The following ADAMTSL1 variants were observed in gnomAD, a reference collection of about 807,000 sequenced individuals.
ADAMTSL1 encodes the protein ADAMTS like 1.
In ADAMTSL1, 126 loss-of-function variants were observed where a neutral mutation model predicts 201.8. The observed-to-expected ratio is 0.62, with a 90% CI of 0.54 to 0.72. The LOEUF is 0.72. Ranked by LOEUF, ADAMTSL1 falls within the 30% of genes least tolerant of loss-of-function variation. The probability of loss-of-function intolerance (pLI) is 0.00; values close to 1 mark genes in which losing one functional copy is unlikely to be tolerated. For synonymous variants in ADAMTSL1, 1,121 were observed against 903.4 expected (o/e 1.24, Z -4.32); for missense variants, 2,679 against 2,277.8 (o/e 1.18, Z -3.59).
intron 1 of ADAMTSL1, among the ~76,000 whole-genome samples, chr9:18,149,165 G>C (rs1465994485): frequency 6.6e-6 from 1 of 152,120 alleles, no homozygotes; most frequent in East Asian, 1.9e-4. Flanking sequence ...AGATGAACCA[G>C]ACCCTTCTTA....
At chr9:18,006,612 A>G (rs941184562) in intron 1 of ADAMTSL1, among the ~76,000 whole-genome samples, 1 of 152,010 alleles carries the variant, frequency 6.6e-6, no homozygotes, top group Non-Finnish European at 1.5e-5. Flanking sequence ...GACCTTGGAT[A>G]TATCCCATGG....
At chr9:18,172,962 A>G (rs1409765643) in intron 2 of ADAMTSL1, among the ~76,000 whole-genome samples, 6 of 152,110 alleles carry the variant, frequency 3.9e-5, no homozygotes, top group Admixed American at 3.3e-4. Flanking sequence ...CAACTTTGGG[A>G]TGTTCGCTAA....
At chr9:17,981,093 A>G (rs574494011) in intron 1 of ADAMTSL1, among the ~76,000 whole-genome samples, 3 of 152,204 alleles carry the variant, frequency 2.0e-5, no homozygotes, top group Non-Finnish European at 2.9e-5. Flanking sequence ...TCCTACTTCT[A>G]ACATTGGGGC....
At chr9:18,489,166 A>G (rs1417830710) in intron 1 of ADAMTSL1, among the ~76,000 whole-genome samples, 1 of 152,182 alleles carries the variant, frequency 6.6e-6, no homozygotes, top group Non-Finnish European at 1.5e-5. Flanking sequence ...ACAATCACTG[A>G]TCTAATTGAA....
At chr9:18,257,780 C>T (rs1831745916) in intron 2 of ADAMTSL1, among the ~76,000 whole-genome samples, 1 of 152,162 alleles carries the variant, frequency 6.6e-6, no homozygotes, top group South Asian at 2.1e-4. Context: ...ATAAATGAGG[C>T]CTAGACATAA....
chr9:18,843,324 G>C (rs1825856378), intron 23 of ADAMTSL1, among the ~76,000 whole-genome samples: 1 of 150,822 alleles, frequency 6.6e-6, no homozygotes, highest in African/African-American at 2.5e-5. Context: ...AAAATTCTGG[G>C]TTGAAAATTC....
intron 24 of ADAMTSL1, among the ~76,000 whole-genome samples, chr9:18,889,264 T>C (rs190287013): frequency 6.6e-5 from 10 of 152,360 alleles, no homozygotes; most frequent in Admixed American, 6.5e-4. Flanking sequence ...GTGGCATTAA[T>C]TGTGCACTCT....
At chr9:18,843,134 G>A (rs1423180399) in intron 23 of ADAMTSL1, among the ~76,000 whole-genome samples, 1 of 150,768 alleles carries the variant, frequency 6.6e-6, no homozygotes, top group Non-Finnish European at 1.5e-5. Context: ...TAGCCTCAAT[G>A]GTCTTTACAA....
chr9:18,369,943 G>C (rs995232938), intron 2 of ADAMTSL1, among the ~76,000 whole-genome samples: 19 of 152,132 alleles, frequency 1.2e-4, no homozygotes, highest in Non-Finnish European at 2.2e-4. Flanking sequence ...ACTTATAAGT[G>C]GGAGCCAAAC....
chr9:18,628,512 TC>T (rs1488743436), intron 5 of ADAMTSL1, among the ~76,000 whole-genome samples: 2 of 152,218 alleles, frequency 1.3e-5, no homozygotes, highest in African/African-American at 4.8e-5. Context: ...TAGTGTGATT[TC>T]TCCAACTTTG....
intron 2 of ADAMTSL1, among the ~76,000 whole-genome samples, chr9:18,396,734 G>T (rs997576083): frequency 2.0e-5 from 3 of 151,820 alleles, no homozygotes; most frequent in African/African-American, 4.8e-5. Flanking sequence ...AACTCTCAAG[G>T]TTTAACCACT....
At chr9:18,200,584 G>T in intron 2 of ADAMTSL1, among the ~76,000 whole-genome samples, 1 of 151,810 alleles carries the variant, frequency 6.6e-6, no homozygotes, top group Non-Finnish European at 1.5e-5. Flanking sequence ...TGCATCCTTT[G>T]ACTTTGAATG....
intron 23 of ADAMTSL1, among the ~76,000 whole-genome samples, chr9:18,876,403 T>G (rs1828161401): frequency 6.6e-6 from 1 of 151,902 alleles, no homozygotes; most frequent in African/African-American, 2.4e-5. Flanking sequence ...GAGGATTTGT[T>G]TCAAGATTTA....
intron 2 of ADAMTSL1, among the ~76,000 whole-genome samples, chr9:18,273,757 G>A (rs923032299): frequency 2.6e-5 from 4 of 152,074 alleles, no homozygotes. Context: ...CCAGTTCCTT[G>A]GTTGTAACCT....
chr9:18,504,869 T>C lies in ADAMTSL1; in HGVS notation c.104T>C (p.Leu35Pro), dbSNP rs776393550. 1.1e-5 allele frequency: 17 copies of C among 1,613,842 alleles called. No homozygotes were observed. The highest frequency in any genetic ancestry group is 1.4e-5 in the Non-Finnish European group (16 of 1,179,994). Residue 35 changes from leucine (L) to proline (P), a missense_variant, in exon 2 of 29, where the codon CTA (leucine) becomes CCA (proline). By Grantham distance (98) the Leu-to-Pro change is moderately conservative. Transcript: ENST00000380548. Reference sequence around the variant, plus strand: ...CGCTCCGAGGAGGACCGGGACGGCCTATGGGATGCCTGGGGCCCATGGAGT... The same window carrying C: ...CGCTCCGAGGAGGACCGGGACGGCCCATGGGATGCCTGGGGCCCATGGAGT... Reference protein sequence around the residue: ...TARSEEDRDGLWDAWGPWSEC... With the variant: ...TARSEEDRDGPWDAWGPWSEC...
At chr9:18,710,792 T>C (rs921702093) in intron 14 of ADAMTSL1, among the ~76,000 whole-genome samples, 1 of 151,914 alleles carries the variant, frequency 6.6e-6, no homozygotes, top group Non-Finnish European at 1.5e-5. Context: ...GGCTCCTTGT[T>C]GGATGGACAC....
At chr9:18,136,472 G>C (rs1425543908) in intron 1 of ADAMTSL1, among the ~76,000 whole-genome samples, 1 of 152,106 alleles carries the variant, frequency 6.6e-6, no homozygotes, top group Non-Finnish European at 1.5e-5. Flanking sequence ...GTTGTAGGAT[G>C]TTAGGAGAGA....
At chr9:18,452,805 C>A (rs1035577730) in intron 2 of ADAMTSL1, among the ~76,000 whole-genome samples, 6 of 152,232 alleles carry the variant, frequency 3.9e-5, no homozygotes, top group African/African-American at 1.4e-4. Flanking sequence ...AGAGGTTGGG[C>A]CGCCAAGGCC....
chr9:18,674,111 G>C (rs1297888635), intron 9 of ADAMTSL1, among the ~76,000 whole-genome samples: 3 of 151,852 alleles, frequency 2.0e-5, no homozygotes. Flanking sequence ...TTTCATTCTT[G>C]TGTGAAGAAC....
Sources: gnomAD v4.1 joint callset for allele counts (sites outside exome capture counted in the v4.1 genomes callset) on GRCh38, gnomAD v4.1.1 for gene constraint, MANE v1.5 for transcripts, NCBI Gene and HGNC (gene_info 2026-07-23, HGNC 2026-07-21) for gene names.